NPRL3: variants seen among roughly 807,000 people sequenced by gnomAD.
NPRL3 encodes the protein NPR3 like, GATOR1 complex subunit, also known as GATOR1 complex protein NPRL3.
In NPRL3, 23 loss-of-function variants were observed where a neutral mutation model predicts 57.2. The observed-to-expected ratio is 0.40, with a 90% CI of 0.29 to 0.57. The LOEUF is 0.57. NPRL3 is among the 20% of genes least tolerant of loss of function. The pLI is 0.42. For missense variants in NPRL3, 691 were observed against 767.1 expected (o/e 0.90, Z 1.17); for synonymous variants, 333 against 321.1 (o/e 1.04, Z -0.39).
intron 1 of NPRL3, 47 bp from the exon 2 acceptor site, chr16:138,381 G>A (rs1346970433): frequency 7.2e-6 from 6 of 829,252 alleles, no homozygotes; most frequent in Non-Finnish European, 9.0e-6. Flanking sequence ...GGAGGACGAG[G>A]CGGGGACGCA....
intron 3 of NPRL3, among the ~76,000 whole-genome samples, chr16:120,608 T>C (rs1260919159): frequency 6.6e-6 from 1 of 152,108 alleles, no homozygotes. Flanking sequence ...ACAAACCACA[T>C]ACGAGGGTTT....
chr16:136,744 T>C (rs1901106650), intron 2 of NPRL3, among the ~76,000 whole-genome samples: 1 of 150,504 alleles, frequency 6.6e-6, no homozygotes, highest in African/African-American at 2.4e-5. Flanking sequence ...CAGAAGGTCC[T>C]GGAAAGACAC....
At chr16:110,413 C>A (rs1451274676) in intron 7 of NPRL3, 112 bp downstream of exon 7, 3 of 779,376 alleles carry the variant, frequency 3.8e-6, no homozygotes, top group Non-Finnish European at 4.3e-6. Context: ...ATGCTCACAC[C>A]CCAGGAGAAC....
At chr16:130,298 C>T (rs988515618) in intron 3 of NPRL3, among the ~76,000 whole-genome samples, 1 of 152,196 alleles carries the variant, frequency 6.6e-6, no homozygotes, top group Non-Finnish European at 1.5e-5. Context: ...CTGCTTCACC[C>T]ACCAGACAAG....
chr16:129,182 C>T (rs1346847336), intron 3 of NPRL3, among the ~76,000 whole-genome samples: 1 of 152,146 alleles, frequency 6.6e-6, no homozygotes, highest in Non-Finnish European at 1.5e-5. Flanking sequence ...GCAGCCTGGG[C>T]CTCACATCCA....
chr16:87,050 A>G (rs979312015), intron 13 of NPRL3, among the ~76,000 whole-genome samples, 180 bp from the exon 14 acceptor site: 5 of 152,152 alleles, frequency 3.3e-5, no homozygotes, highest in Non-Finnish European at 7.4e-5. Context: ...CCTGGACCCC[A>G]TGCCCACCAC....
chr16:85,634 A>T lies in NPRL3; in HGVS notation c.*1071T>A. ...GCTGGAGCGTGGTCCCCTGGAGCCC[A>T]GTGAGCCGGCTGTAGTGGCAGCAGC... is the stretch of plus-strand genomic sequence containing the variant. On this transcript the variant is annotated 3_prime_UTR_variant, in exon 14 of 14. Coordinates refer to ENST00000611875, the MANE Select transcript of NPRL3 (RefSeq NM_001077350.3). The T allele has an allele frequency of 6.3e-7, 1 of 1,595,436 alleles. No homozygotes were observed. Among genetic ancestry groups the T allele is most frequent in the Non-Finnish European group, 8.6e-7 (1 of 1,166,634 alleles).
At chr16:96,737 A>G (rs1424833331) in intron 9 of NPRL3, among the ~76,000 whole-genome samples, 1 of 151,696 alleles carries the variant, frequency 6.6e-6, no homozygotes, top group Admixed American at 6.6e-5. Context: ...GTGGATCATG[A>G]TGGCACCACC....
intron 2 of NPRL3, among the ~76,000 whole-genome samples, chr16:132,386 G>A: frequency 6.6e-6 from 1 of 152,142 alleles, no homozygotes; most frequent in East Asian, 1.9e-4. Flanking sequence ...CAGCATTTCA[G>A]TCACATCTTT....
At chr16:111,564 C>A (rs1281133911) in intron 6 of NPRL3, among the ~76,000 whole-genome samples, 1 of 151,952 alleles carries the variant, frequency 6.6e-6, no homozygotes, top group Non-Finnish European at 1.5e-5. Context: ...ATTCTCCCAC[C>A]TCAGCATCCC....
At chr16:114,819 G>A (rs1899959422) in intron 5 of NPRL3, among the ~76,000 whole-genome samples, 1 of 152,122 alleles carries the variant, frequency 6.6e-6, no homozygotes, top group Non-Finnish European at 1.5e-5. Context: ...ATGTAGGGAT[G>A]AACAGACATA....
intron 7 of NPRL3, among the ~76,000 whole-genome samples, chr16:106,269 T>C (rs1223998780): frequency 2.0e-5 from 3 of 151,702 alleles, no homozygotes; most frequent in African/African-American, 4.8e-5. Flanking sequence ...GATTGTGCCA[T>C]TGCACTCCAG....
At chr16:112,870 C>T in intron 5 of NPRL3, 95 bp from the exon 6 acceptor site, 2 of 1,225,262 alleles carry the variant, frequency 1.6e-6, no homozygotes, top group Non-Finnish European at 2.2e-6. Context: ...ACAGCAAAAA[C>T]TCAAACCATG....
Position 110,604 on chromosome 16 carries a change from T to C in NPRL3, c.550A>G (p.Asn184Asp). Residue 184 changes from asparagine to aspartate, a missense_variant and splice_region_variant, in exon 7 of 14, where the codon AAT becomes GAT. Transcript: ENST00000611875. Reference sequence around the variant, plus strand: ...TGGAATGGGGACTGAGGACCTTCATTTCCTACAAGAATCACAACACAAGAT... The same window carrying C: ...TGGAATGGGGACTGAGGACCTTCATCTCCTACAAGAATCACAACACAAGAT... ...QDEVSAMADGNEGPQSPFHHI... is the reference protein window; with the variant it reads ...QDEVSAMADGDEGPQSPFHHI... 6.2e-7 allele frequency: 1 copy of C among 1,607,180 alleles called. No homozygotes were observed. The highest frequency in any genetic ancestry group is 1.7e-4 in the Middle Eastern group (1 of 6,050).
At chr16:97,118 G>GCAC (rs1255727263) in intron 9 of NPRL3, among the ~76,000 whole-genome samples, 3 of 152,210 alleles carry the variant, frequency 2.0e-5, no homozygotes, top group Non-Finnish European at 4.4e-5. Context: ...CCACCCACAG[G>GCAC]CACCACCTGC....
chr16:96,219 A>G (rs1898998631), intron 9 of NPRL3, among the ~76,000 whole-genome samples: 1 of 152,176 alleles, frequency 6.6e-6, no homozygotes, highest in Non-Finnish European at 1.5e-5. Flanking sequence ...GAGGGCATCA[A>G]AGCTTTGTCC....
intron 13 of NPRL3, 137 bp from the exon 14 acceptor site, chr16:87,007 C>A (rs1020748807): frequency 2.3e-6 from 2 of 859,438 alleles, no homozygotes; most frequent in Non-Finnish European, 3.5e-6. Context: ...GGGAGGCAGC[C>A]ACCACAGCCC....
intron 7 of NPRL3, among the ~76,000 whole-genome samples, chr16:106,525 T>C (rs1202143063): frequency 6.7e-6 from 1 of 148,734 alleles, no homozygotes; most frequent in African/African-American, 2.5e-5. Context: ...TCCCAGCTAC[T>C]CGGGAGGCCG....
Position 85,454 on chromosome 16 carries a change from A to G in NPRL3, c.*1251T>C. ...ACTGGAGCCCCTGGAAGGTCTGGAG[A>G]CCATGCGTCAGCTTCGCAGCACCCT... On this transcript the variant is annotated 3_prime_UTR_variant, in exon 14 of 14. Coordinates refer to ENST00000611875, the MANE Select transcript of NPRL3 (RefSeq NM_001077350.3). The G allele has an allele frequency of 6.2e-7, 1 of 1,612,874 alleles. No homozygotes were observed. The highest frequency in any genetic ancestry group is 8.5e-7 in the Non-Finnish European group (1 of 1,179,942).
Sources: gnomAD v4.1 joint callset for allele counts (sites outside exome capture counted in the v4.1 genomes callset) on GRCh38, gnomAD v4.1.1 for gene constraint, MANE v1.5 for transcripts, NCBI Gene and HGNC (gene_info 2026-07-23, HGNC 2026-07-21) for gene names.